DLC1: variants seen among roughly 807,000 people sequenced by gnomAD.
DLC1 encodes the protein DLC1 Rho GTPase activating protein.
A neutral mutation model predicts 140.3 loss-of-function variants in DLC1; 54 were observed. The ratio of observed to expected loss-of-function variants is 0.38; its 90% CI spans 0.31 to 0.48. The LOEUF (loss-of-function observed/expected upper bound fraction) is 0.48. Among genes scored for constraint, DLC1 ranks in the 20% least tolerant of loss-of-function variants. The pLI is 0.96. For missense variants in DLC1, 2,536 were observed against 1,907.0 expected (o/e 1.33, Z -6.14); for synonymous variants, 986 against 728.1 (o/e 1.35, Z -5.70).
intron 1 of DLC1, among the ~76,000 whole-genome samples, chr8:13,588,838 T>C (rs568527844): frequency 3.9e-5 from 6 of 152,140 alleles, no homozygotes; most frequent in South Asian, 2.1e-4. Flanking sequence ...TTCTGCTCTA[T>C]GTTTATGGGA....
At chr8:13,241,515 T>A (rs1029289002) in intron 5 of DLC1, among the ~76,000 whole-genome samples, 1 of 152,176 alleles carries the variant, frequency 6.6e-6, no homozygotes, top group African/African-American at 2.4e-5. Flanking sequence ...AAAGGTAGAC[T>A]ATAAAAGGAA....
chr8:13,117,501 A>G (rs1585675021), intron 5 of DLC1, among the ~76,000 whole-genome samples: 1 of 152,310 alleles, frequency 6.6e-6, no homozygotes, highest in East Asian at 1.9e-4. Flanking sequence ...AGAGGAACTT[A>G]CTTTTGCCCT....
chr8:13,301,111 G>C (rs1042571458), intron 5 of DLC1, among the ~76,000 whole-genome samples: 2 of 151,992 alleles, frequency 1.3e-5, no homozygotes, highest in East Asian at 1.9e-4. Context: ...GGATACAGGA[G>C]GATAATGGAA....
At chr8:13,133,687 C>G (rs1030253986) in intron 5 of DLC1, among the ~76,000 whole-genome samples, 5 of 151,926 alleles carry the variant, frequency 3.3e-5, no homozygotes, top group African/African-American at 1.2e-4. Flanking sequence ...ATTTACTTGG[C>G]GGAGGTGTCC....
At chr8:13,164,587 A>AC (rs1348783676) in intron 5 of DLC1, among the ~76,000 whole-genome samples, 1 of 152,184 alleles carries the variant, frequency 6.6e-6, no homozygotes, top group East Asian at 1.9e-4. Flanking sequence ...GAGCATATCA[A>AC]CATGGAACCA....
At chr8:13,228,605 C>T (rs1446747175) in intron 5 of DLC1, among the ~76,000 whole-genome samples, 1 of 152,050 alleles carries the variant, frequency 6.6e-6, no homozygotes, top group Non-Finnish European at 1.5e-5. Context: ...AAAAAATTAG[C>T]CCAGCATGGT....
chr8:13,433,834 A>G (rs772462846), intron 2 of DLC1, among the ~76,000 whole-genome samples: 5 of 152,030 alleles, frequency 3.3e-5, no homozygotes, highest in African/African-American at 7.2e-5. Context: ...AAGGAATCAT[A>G]TTTTTGTTTG....
intron 2 of DLC1, among the ~76,000 whole-genome samples, chr8:13,468,639 T>C (rs900457538): frequency 3.9e-4 from 58 of 150,218 alleles, no homozygotes; most frequent in African/African-American, 1.4e-3. Context: ...CCTCCCGAAG[T>C]GCTAGGGTTA....
chr8:13,483,266 A>G (rs574175034), intron 2 of DLC1, among the ~76,000 whole-genome samples: 8 of 152,248 alleles, frequency 5.3e-5, no homozygotes, highest in African/African-American at 1.9e-4. Context: ...TCACCTTGAG[A>G]TCCTTAACTT....
In DLC1 at chr8:13,317,379, T is replaced by C. The variant is rs1832901523; in HGVS notation, c.1315-12077A>G. ...ATTCAACATAAAAGCATAGACTTTA[T>C]AGACATAGCATGGTTAACTGAAATT... On this transcript the variant is annotated intron_variant, in intron 4 of 17. Transcript: ENST00000276297. Among the ~76,000 whole-genome samples, 4 of 152,196 alleles carry C rather than the reference T, an allele frequency of 2.6e-5. 1 individual carries two copies. The South Asian group carries it at 6.2e-4, about 24-fold the overall frequency.
At chr8:13,355,361 G>T (rs184073691) in intron 4 of DLC1, among the ~76,000 whole-genome samples, 1 of 152,104 alleles carries the variant, frequency 6.6e-6, no homozygotes, top group African/African-American at 2.4e-5. Context: ...GGTGATGTGC[G>T]CCTGTAATCT....
intron 10 of DLC1, among the ~76,000 whole-genome samples, chr8:13,097,248 A>AG (rs1563584183): frequency 3.5e-5 from 2 of 57,776 alleles, no homozygotes; most frequent in East Asian, 1.7e-3. Flanking sequence ...TCACATCCAA[A>AG]TTTATTATTA....
At chr8:13,509,323 T>G (rs1462685247) in intron 1 of DLC1, among the ~76,000 whole-genome samples, 1 of 152,210 alleles carries the variant, frequency 6.6e-6, no homozygotes, top group Non-Finnish European at 1.5e-5. Flanking sequence ...AGTCATTCCA[T>G]AAGCACAATT....
chr8:13,380,574 T>C (rs565005908), intron 4 of DLC1, among the ~76,000 whole-genome samples: 4 of 152,342 alleles, frequency 2.6e-5, no homozygotes, highest in African/African-American at 9.6e-5. Flanking sequence ...ATAGTATTAA[T>C]GAATGACAAA....
chr8:13,602,690 A>T (rs1005680424), intron 1 of DLC1, among the ~76,000 whole-genome samples: 1 of 151,922 alleles, frequency 6.6e-6, no homozygotes, highest in Non-Finnish European at 1.5e-5. Flanking sequence ...ATGTATCTTA[A>T]AAAGTTATGA....
At chr8:13,205,249 TG>T (rs1827599260) in intron 5 of DLC1, among the ~76,000 whole-genome samples, 1 of 152,218 alleles carries the variant, frequency 6.6e-6, no homozygotes, top group Admixed American at 6.5e-5. Flanking sequence ...AAATGGGGTC[TG>T]GTACCCCCGG....
intron 3 of DLC1, among the ~76,000 whole-genome samples, chr8:13,397,154 T>C (rs900565627): frequency 3.3e-5 from 5 of 152,144 alleles, no homozygotes; most frequent in African/African-American, 1.2e-4. Context: ...GTGCATCTTG[T>C]GATCCATTGG....
chr8:13,312,476 A>C (rs1832716360), intron 4 of DLC1, among the ~76,000 whole-genome samples: 1 of 151,380 alleles, frequency 6.6e-6, no homozygotes, highest in Non-Finnish European at 1.5e-5. Flanking sequence ...TTGAATTTTT[A>C]ATGATAATAT....
chr8:13,529,708 G>A (rs1370506571), intron 1 of DLC1, among the ~76,000 whole-genome samples: 1 of 152,116 alleles, frequency 6.6e-6, no homozygotes, highest in African/African-American at 2.4e-5. Context: ...AAGAAAAAAG[G>A]GAGCACCTAT....
Sources: allele counts gnomAD v4.1 joint callset (sites outside exome capture counted in the v4.1 genomes callset), GRCh38; gene constraint gnomAD v4.1.1; transcripts MANE v1.5; gene names NCBI Gene and HGNC (gene_info 2026-07-23, HGNC 2026-07-21).